GFOD1: variants seen among roughly 807,000 people sequenced by gnomAD.
GFOD1 encodes glucose-fructose oxidoreductase domain-containing protein 1.
Under a neutral mutation model 25.4 loss-of-function variants are expected in GFOD1, and 9 were observed. The observed-to-expected ratio is 0.35, with a 90% CI of 0.21 to 0.62. The LOEUF (loss-of-function observed/expected upper bound fraction) is 0.62. GFOD1 is among the 20% of genes least tolerant of loss of function. GFOD1 has a pLI of 0.72. For missense variants in GFOD1, 403 were observed against 556.9 expected, an observed-to-expected ratio of 0.72 and a Z score of 2.78; for synonymous variants, 253 against 245.6, an observed-to-expected ratio of 1.03 and a Z score of -0.28.
chr6:13,419,124 C>G (rs568020966), intron 1 of GFOD1, among the ~76,000 whole-genome samples: 1 of 152,254 alleles, frequency 6.6e-6, no homozygotes, highest in African/African-American at 2.4e-5. Flanking sequence ...GTCCAGGTTG[C>G]CATATTGGAC....
intron 1 of GFOD1, among the ~76,000 whole-genome samples, chr6:13,463,569 A>G (rs1758329443): frequency 3.3e-5 from 5 of 152,136 alleles, no homozygotes; most frequent in African/African-American, 4.8e-5. Flanking sequence ...TCTTTAACCC[A>G]CAGTTATCCG....
At chr6:13,399,522 AT>A (rs1785802301) in intron 1 of GFOD1, among the ~76,000 whole-genome samples, 2 of 152,266 alleles carry the variant, frequency 1.3e-5, no homozygotes, top group African/African-American at 4.8e-5. Context: ...TGATACCTTC[AT>A]AAAATAGAAT....
At chr6:13,383,232 T>G (rs543397425) in intron 1 of GFOD1, among the ~76,000 whole-genome samples, 18 of 152,366 alleles carry the variant, frequency 1.2e-4, no homozygotes, top group Admixed American at 9.8e-4. Flanking sequence ...TCACCCAGGT[T>G]GCCATCAAAT....
chr6:13,393,552 G>T (rs973506369), intron 1 of GFOD1, among the ~76,000 whole-genome samples: 7 of 151,890 alleles, frequency 4.6e-5, no homozygotes, highest in African/African-American at 1.7e-4. Flanking sequence ...CATAACAGGG[G>T]TTCCTGAAAA....
intron 1 of GFOD1, among the ~76,000 whole-genome samples, chr6:13,378,710 G>C (rs1382760940): frequency 6.6e-6 from 1 of 152,186 alleles, no homozygotes; most frequent in Non-Finnish European, 1.5e-5. Context: ...TGATGGGCAT[G>C]CCACATACTC....
intron 1 of GFOD1, among the ~76,000 whole-genome samples, chr6:13,442,446 T>C (rs1422937676): frequency 6.6e-6 from 1 of 152,218 alleles, no homozygotes. Context: ...TGAAACATAG[T>C]GATCTAAGCA....
At chr6:13,401,658 T>C (rs937487076) in intron 1 of GFOD1, among the ~76,000 whole-genome samples, 7 of 152,150 alleles carry the variant, frequency 4.6e-5, no homozygotes, top group Non-Finnish European at 7.4e-5. Context: ...AAAAATCTAT[T>C]TGAAAAAAAT....
rs373767195 is a variant in GFOD1 at position 13,403,482 on chromosome 6, G to A, written c.254-37820C>T. Among the ~76,000 whole-genome samples the A allele has an allele frequency of 2.6e-5, 4 of 152,242 alleles. No homozygotes were observed. The South Asian group carries it at 8.3e-4, about 32-fold the overall frequency. On this transcript the variant is annotated intron_variant, in intron 1 of 1. Transcript: ENST00000379287. ...CCTAGGCTATATGGTACAACCTATT[G>A]CTCCTAGGCTACAAAGCTGTATAGC...
intron 1 of GFOD1, among the ~76,000 whole-genome samples, chr6:13,368,601 T>G (rs1283435346): frequency 6.6e-6 from 1 of 152,160 alleles, no homozygotes; most frequent in Admixed American, 6.5e-5. Flanking sequence ...TGGCCTCTAC[T>G]ACACCCTATT....
At chr6:13,422,051 G>C (rs1157369909) in intron 1 of GFOD1, among the ~76,000 whole-genome samples, 1 of 152,106 alleles carries the variant, frequency 6.6e-6, no homozygotes, top group Non-Finnish European at 1.5e-5. Context: ...AAAACTAGGG[G>C]TTGGTTGGGT....
At chr6:13,479,078 A>G (rs978975314) in intron 1 of GFOD1, among the ~76,000 whole-genome samples, 9 of 151,132 alleles carry the variant, frequency 6.0e-5, no homozygotes, top group Non-Finnish European at 1.3e-4. Context: ...AAAAAAAAAG[A>G]AAAAATTTAA....
chr6:13,399,684 C>G lies in GFOD1; in HGVS notation c.254-34022G>C, dbSNP rs1785805024. ...TTGTAAAACAGGCAAAGTGAGCTATCAGGGCAGAAAGCACAGCAGTGGTTA... is the reference window on the plus strand; with the variant it reads ...TTGTAAAACAGGCAAAGTGAGCTATGAGGGCAGAAAGCACAGCAGTGGTTA... On this transcript the variant is annotated intron_variant, in intron 1 of 1. Coordinates refer to ENST00000379287, the MANE Select transcript of GFOD1 (RefSeq NM_018988.4). 2.0e-5 allele frequency among the ~76,000 whole-genome samples: 3 copies of G among 152,272 alleles called. No homozygotes were observed. The South Asian group carries it at 6.2e-4, about 32-fold the overall frequency.
chr6:13,438,995 A>C (rs1327241471), intron 1 of GFOD1, among the ~76,000 whole-genome samples: 1 of 149,380 alleles, frequency 6.7e-6, no homozygotes, highest in East Asian at 2.0e-4. Context: ...CCAGTGAATG[A>C]GAACAGAATC....
At chr6:13,419,364 G>A (rs1267244077) in intron 1 of GFOD1, among the ~76,000 whole-genome samples, 3 of 152,220 alleles carry the variant, frequency 2.0e-5, no homozygotes, top group Admixed American at 6.5e-5. Context: ...CAAGGGATGA[G>A]TGAAAGCAAA....
intron 1 of GFOD1, among the ~76,000 whole-genome samples, chr6:13,386,156 G>A (rs1011128102): frequency 6.6e-6 from 1 of 150,440 alleles, no homozygotes; most frequent in East Asian, 2.0e-4. Context: ...CTACCTCCCA[G>A]GTTCAAGCGA....
chr6:13,401,246 T>C (rs2127563475), intron 1 of GFOD1, among the ~76,000 whole-genome samples: 1 of 152,366 alleles, frequency 6.6e-6, no homozygotes, highest in Non-Finnish European at 1.5e-5. Flanking sequence ...AAAGGTCTAA[T>C]TGCCAGGCAT....
At chr6:13,472,610 A>T (rs1758533601) in intron 1 of GFOD1, among the ~76,000 whole-genome samples, 1 of 152,202 alleles carries the variant, frequency 6.6e-6, no homozygotes, top group African/African-American at 2.4e-5. Flanking sequence ...CCAAGGATTC[A>T]ACCCCGGGCA....
chr6:13,479,071 A>AC (rs1461746469), intron 1 of GFOD1, among the ~76,000 whole-genome samples: 4 of 152,180 alleles, frequency 2.6e-5, no homozygotes, highest in Admixed American at 2.0e-4. Context: ...CCAAAAAAAA[A>AC]AAAAAGAAAA....
In GFOD1 at chr6:13,398,814, T is replaced by A. The variant is rs375597155; in HGVS notation, c.254-33152A>T. Among the ~76,000 whole-genome samples, 3 of 152,256 alleles carry A rather than the reference T, an allele frequency of 2.0e-5. No individual in the cohort carries two copies. The East Asian group carries it at 5.8e-4, about 29-fold the overall frequency. On this transcript the variant is annotated intron_variant, in intron 1 of 1. Coordinates refer to ENST00000379287, the MANE Select transcript of GFOD1 (RefSeq NM_018988.4). Reference sequence around the variant, plus strand: ...AGTCAATGGCCACCACGGGGCAGCATCCCAGAACAGGAGGTAGGGAGGGAC... The same window carrying A: ...AGTCAATGGCCACCACGGGGCAGCAACCCAGAACAGGAGGTAGGGAGGGAC...
Sources: gnomAD v4.1 joint callset for allele counts (sites outside exome capture counted in the v4.1 genomes callset) on GRCh38, gnomAD v4.1.1 for gene constraint, MANE v1.5 for transcripts, NCBI Gene and HGNC (gene_info 2026-07-23, HGNC 2026-07-21) for gene names.